CD163L1: variants seen among roughly 807,000 people sequenced by gnomAD.
CD163L1 encodes the protein scavenger receptor cysteine-rich type 1 protein M160.
A neutral mutation model predicts 165.4 loss-of-function variants in CD163L1; 124 were observed. That is an observed-to-expected ratio of 0.75 (90% CI 0.65 to 0.87). CD163L1 has a LOEUF of 0.87. Ranked by LOEUF, CD163L1 falls within the 40% of genes least tolerant of loss-of-function variation. The pLI is 0.00. For missense variants in CD163L1, 1,525 were observed against 1,799.9 expected, an observed-to-expected ratio of 0.85 and a Z score of 2.76; for synonymous variants, 585 against 662.2, an observed-to-expected ratio of 0.88 and a Z score of 1.79.
the CD163L1 span, chr12:7,320,802 G>A: frequency 6.2e-7 from 1 of 1,611,138 alleles, no homozygotes; most frequent in South Asian, 1.1e-5. Context: ...AAGACCTTAA[G>A]AGGTACTTGG....
intron 4 of CD163L1, among the ~76,000 whole-genome samples, chr12:7,407,779 C>CATA: frequency 7.7e-6 from 1 of 130,638 alleles, no homozygotes; most frequent in East Asian, 2.1e-4. Context: ...ACACACACAT[C>CATA]CATACACACA....
the CD163L1 span, chr12:7,324,686 C>A: frequency 1.4e-6 from 2 of 1,393,480 alleles, no homozygotes; most frequent in South Asian, 1.2e-5. Context: ...CAAGAGAGGT[C>A]AATCTATTAA....
chr12:7,429,804 A>G (rs1948600030), intron 4 of CD163L1, among the ~76,000 whole-genome samples: 1 of 152,126 alleles, frequency 6.6e-6, no homozygotes, highest in Non-Finnish European at 1.5e-5. Flanking sequence ...TTCTTCATTC[A>G]GTTAGTCCAC....
chr12:7,423,845 C>T (rs1272652410), intron 4 of CD163L1, among the ~76,000 whole-genome samples: 2 of 152,172 alleles, frequency 1.3e-5, no homozygotes, highest in Middle Eastern at 3.4e-3. Flanking sequence ...TAATAGCTTA[C>T]CAACCCAAAA....
downstream of CD163L1, among the ~76,000 whole-genome samples, chr12:7,349,970 T>G (rs985156774): frequency 2.6e-5 from 4 of 152,168 alleles, no homozygotes; most frequent in African/African-American, 4.8e-5. Flanking sequence ...CCTTTATTGC[T>G]AACATTCTCT....
At chr12:7,420,238 C>T (rs1347798099) in intron 4 of CD163L1, among the ~76,000 whole-genome samples, 1 of 151,692 alleles carries the variant, frequency 6.6e-6, no homozygotes, top group Admixed American at 6.6e-5. Flanking sequence ...ATCTAAGACC[C>T]GAAACCGTAA....
chr12:7,432,694 G>T lies in CD163L1; in HGVS notation c.488C>A (p.Ser163Tyr). 6.2e-7 allele frequency: 1 copy of T among 1,613,218 alleles called. No homozygotes were observed. The highest frequency in any genetic ancestry group is 8.5e-7 in the Non-Finnish European group (1 of 1,179,558). The change falls in exon 4 of 20, where the codon TCC becomes TAC. Residue 163 changes from serine to tyrosine, a missense_variant. Transcript: ENST00000313599. The surrounding 1 kb of genome is among the most constrained non-coding windows in gnomAD (Gnocchi z 4.2). ...LGLRLVDGNN[S>Y]CSGRVEVKFQ... ...TTTCACCTCCACTCTCCCTGAACAGGAGTTGTTTCCATCCACTAGCCTCAA... is the reference window on the plus strand; with the variant it reads ...TTTCACCTCCACTCTCCCTGAACAGTAGTTGTTTCCATCCACTAGCCTCAA...
intron 13 of CD163L1, 93 bp from the exon 14 acceptor site, chr12:7,373,733 AT>A: frequency 9.7e-7 from 1 of 1,031,102 alleles, no homozygotes; most frequent in Non-Finnish European, 1.4e-6. Flanking sequence ...GAAATAATAC[AT>A]TAGGGCTCAC....
At chr12:7,331,628 T>C in the CD163L1 span, among the ~76,000 whole-genome samples, 5 of 152,202 alleles carry the variant, frequency 3.3e-5, no homozygotes, top group African/African-American at 1.2e-4. Flanking sequence ...GGTTCACCAA[T>C]ATCCGCTGTT....
intron 4 of CD163L1, among the ~76,000 whole-genome samples, chr12:7,418,596 G>C (rs1591949334): frequency 1.3e-5 from 2 of 151,778 alleles, no homozygotes. Context: ...CAAAAAGCTG[G>C]GTCTTTGAAA....
At chr12:7,441,116 G>C (rs763641825) in intron 2 of CD163L1, 38 bp downstream of exon 2, 1 of 1,429,354 alleles carries the variant, frequency 7.0e-7, no homozygotes, top group Non-Finnish European at 9.9e-7. Flanking sequence ...TAGAATAGAG[G>C]ATTGTAAGCC....
chr12:7,398,691 A>C lies in CD163L1; in HGVS notation c.1409-107T>G, dbSNP rs114762492. 1.1e-6 allele frequency: 1 copy of C among 888,054 alleles called. No homozygotes were observed. Among genetic ancestry groups the C allele is most frequent in the Non-Finnish European group, 1.6e-6 (1 of 618,506 alleles). 55.0% of individuals were successfully genotyped at this position (888,054 alleles called of 1,614,324 possible). ...ACTATAAGGCTTTGCCTAACAGGTG[A>C]TATATTAGGCACACTTTTGAATGAA... On this transcript the variant is annotated intron_variant, in intron 6 of 19. Coordinates refer to ENST00000313599, the MANE Select transcript of CD163L1 (RefSeq NM_174941.6). The surrounding 1 kb of genome is among the most constrained non-coding windows in gnomAD (Gnocchi z 4.5).
At position 7,367,310 on chromosome 12, in the gene CD163L1, GA is replaced by G; in HGVS notation, c.4204del (p.Ser1402LeufsTer68). ...CTCATGGAATAAATTCTCCTCGAGA[GA>G]ACCCCTCCTTCTGGTTGAAACTGAG... ...PLRVSTRRRG[S>X]LEENLFHEME... is the part of the protein sequence containing the mutation. On this transcript the variant is annotated frameshift_variant, in exon 18 of 20. Coordinates refer to ENST00000313599, the MANE Select transcript of CD163L1 (RefSeq NM_174941.6). LOFTEE classifies it high-confidence loss of function. The G allele has an allele frequency of 1.9e-6, 3 of 1,612,944 alleles. No homozygotes were observed. Among genetic ancestry groups the G allele is most frequent in the Non-Finnish European group, 2.5e-6 (3 of 1,179,146 alleles).
At chr12:7,351,662 A>G (rs1413936583), downstream of CD163L1, among the ~76,000 whole-genome samples, 1 of 152,088 alleles carries the variant, frequency 6.6e-6, no homozygotes, top group Non-Finnish European at 1.5e-5. Flanking sequence ...TACAAACAAC[A>G]CTTCAGAAAC....
At chr12:7,436,330 T>C (rs1948712060) in intron 2 of CD163L1, among the ~76,000 whole-genome samples, 1 of 152,190 alleles carries the variant, frequency 6.6e-6, no homozygotes, top group Non-Finnish European at 1.5e-5. Context: ...AAAATATTTG[T>C]AACTGGACAA....
chr12:7,372,567 T>A lies in CD163L1; in HGVS notation c.3730+753A>T, dbSNP rs1947167056. Among the ~76,000 whole-genome samples, 1 of 151,876 alleles carries A rather than the reference T, an allele frequency of 6.6e-6. No homozygotes were observed. The highest frequency in any genetic ancestry group is 6.6e-5 in the Admixed American group (1 of 15,254). On this transcript the variant is annotated intron_variant, in intron 14 of 19. Transcript: ENST00000313599. This position sits in a 1 kb window ranked among gnomAD's most constrained non-coding sequence, Gnocchi z 4.2. ...AAATTAGAATATATTTACAGTATAC[T>A]TTTACATATAAAAGTAGGATACAGA... is the stretch of plus-strand genomic sequence containing the variant.
chr12:7,435,265 CTTCTA>C (rs1176672914), intron 2 of CD163L1, among the ~76,000 whole-genome samples: 5 of 151,802 alleles, frequency 3.3e-5, no homozygotes, highest in Admixed American at 6.6e-5. Context: ...AAATTAAGAA[CTTCTA>C]TTCTTCAAAA....
intron 19 of CD163L1, among the ~76,000 whole-genome samples, chr12:7,356,058 T>C (rs912938830): frequency 3.9e-5 from 6 of 152,122 alleles, no homozygotes; most frequent in Non-Finnish European, 8.8e-5. Flanking sequence ...AAACAACACA[T>C]AGTATTCATT....
rs35126170 is a variant in CD163L1 at position 7,347,747 on chromosome 12, G to A, written c.*25-600C>T. Among the ~76,000 whole-genome samples the A allele has an allele frequency of 0.061, 9,244 of 151,972 alleles. 374 individuals carry two copies. The highest frequency in any genetic ancestry group is 0.16 in the East Asian group (847 of 5,154). Reference sequence around the variant, plus strand: ...TCACGCGCCACTGCACTCCAGCCTGGGTGACAGAGCGAGACTCCGTCTCAA... The same window carrying A: ...TCACGCGCCACTGCACTCCAGCCTGAGTGACAGAGCGAGACTCCGTCTCAA... On this transcript the variant is annotated intron_variant, in intron 4 of 4. Transcript: ENST00000539726. This position sits in a 1 kb window ranked among gnomAD's most constrained non-coding sequence, Gnocchi z 4.2.
Sources: allele counts gnomAD v4.1 joint callset (sites outside exome capture counted in the v4.1 genomes callset), GRCh38; gene constraint gnomAD v4.1.1; non-coding constraint Gnocchi (gnomAD v3.1); transcripts MANE v1.5; gene names NCBI Gene and HGNC (gene_info 2026-07-23, HGNC 2026-07-21).